The following RBFOX2 variants were observed in gnomAD, a reference collection of about 807,000 sequenced individuals.
RBFOX2 encodes the protein RNA binding protein fox-1 homolog 2.
A neutral mutation model predicts 49.1 loss-of-function variants in RBFOX2; 10 were observed. The observed-to-expected ratio is 0.20, with a 90% CI of 0.13 to 0.35. RBFOX2 has a LOEUF of 0.35. Ranked by LOEUF, RBFOX2 falls within the 10% of genes least tolerant of loss-of-function variation. The pLI is 1.00. For missense variants in RBFOX2, 323 were observed against 486.9 expected (o/e 0.66, Z 3.17); for synonymous variants, 183 against 187.4 (o/e 0.98, Z 0.19).
At chr22:35,909,712 A>G (rs558542834) in intron 1 of RBFOX2, among the ~76,000 whole-genome samples, 45 of 152,276 alleles carry the variant, frequency 3.0e-4, no homozygotes, top group African/African-American at 1.1e-3. Context: ...CCCGGATTCA[A>G]GCGATTCTCC....
rs545314605 is a variant in RBFOX2, at chr22:35,872,075, C to T, written c.-33-62071G>A. 4.9e-4 allele frequency among the ~76,000 whole-genome samples: 74 copies of T among 152,266 alleles called. 1 individual carries two copies. The highest frequency in any genetic ancestry group is 3.5e-3 in the South Asian group (17 of 4,818). Reference sequence around the variant, plus strand: ...TCTACCAAATCCTGACAAGTAAGTGCCCAGCACTGTACCAAGTGCTGCCTT... The same window carrying T: ...TCTACCAAATCCTGACAAGTAAGTGTCCAGCACTGTACCAAGTGCTGCCTT... On this transcript the variant is annotated intron_variant, in intron 1 of 13. Coordinates refer to the RBFOX2 transcript ENST00000359369.
At chr22:35,883,190 C>T (rs9610362) in intron 1 of RBFOX2, among the ~76,000 whole-genome samples, 10,646 of 152,272 alleles carry the variant, frequency 0.07, 554 homozygotes, top group Non-Finnish European at 0.1. Flanking sequence ...ACTTTCTCAG[C>T]CTGCTTCCTG....
At chr22:35,843,449 G>GTTTCCTCAA, upstream of RBFOX2, among the ~76,000 whole-genome samples, 1 of 30,424 alleles carries the variant, frequency 3.3e-5, no homozygotes, top group Non-Finnish European at 6.4e-5. Flanking sequence ...AACTCTTTGA[G>GTTTCCTCAA]TGTTTCATCC....
chr22:35,744,038 A>T, exon 12 of RBFOX2: 1 of 495,128 alleles, frequency 2.0e-6, no homozygotes, highest in Admixed American at 4.3e-5. Context: ...TATTCAAAGA[A>T]CATAGTGAGG....
At chr22:35,963,747 TTGTTGTTGTTGTTTTTGC>T (rs2056397737), upstream of RBFOX2, among the ~76,000 whole-genome samples, 1 of 152,160 alleles carries the variant, frequency 6.6e-6, no homozygotes, top group Admixed American at 6.5e-5. Flanking sequence ...CTTTTTGTTG[TTGTTGTTGTTGTTTTTGC>T]AATGGAGTCT....
chr22:35,760,565 A>G (rs1034928179), intron 8 of RBFOX2, among the ~76,000 whole-genome samples: 5 of 152,204 alleles, frequency 3.3e-5, no homozygotes, highest in African/African-American at 1.2e-4. Flanking sequence ...TCATTCTTTT[A>G]TTTAAAACAT....
At chr22:35,845,602 T>G (rs2041084686) in intron 1 of RBFOX2, among the ~76,000 whole-genome samples, 1 of 152,176 alleles carries the variant, frequency 6.6e-6, no homozygotes, top group African/African-American at 2.4e-5. Context: ...GGTAACTTAT[T>G]CATATCTTTA....
intron 1 of RBFOX2, among the ~76,000 whole-genome samples, chr22:35,982,868 G>A (rs1398413027): frequency 1.3e-5 from 2 of 151,090 alleles, no homozygotes; most frequent in Non-Finnish European, 1.5e-5. Context: ...AAGAGAGTGT[G>A]GCCTACAAAA....
chr22:36,005,329 T>C (rs937493987), intron 1 of RBFOX2, among the ~76,000 whole-genome samples: 1 of 152,068 alleles, frequency 6.6e-6, no homozygotes, highest in South Asian at 2.1e-4. Flanking sequence ...AAGCATAAAA[T>C]ATAAACTCCA....
intron 1 of RBFOX2, among the ~76,000 whole-genome samples, chr22:35,854,981 G>A (rs941246312): frequency 1.3e-5 from 2 of 152,068 alleles, no homozygotes; most frequent in Admixed American, 1.3e-4. Context: ...TCAGAATAAT[G>A]TAGCCTCAGT....
intron 6 of RBFOX2, among the ~76,000 whole-genome samples, chr22:35,765,092 A>G (rs1464509035): frequency 6.6e-6 from 1 of 151,448 alleles, no homozygotes; most frequent in Non-Finnish European, 1.5e-5. Flanking sequence ...GGTATTACGG[A>G]CAAGTCTAAC....
intron 1 of RBFOX2, chr22:35,898,421 T>TC (rs2048141718): frequency 4.8e-6 from 1 of 206,298 alleles, no homozygotes; most frequent in Non-Finnish European, 9.3e-6. Flanking sequence ...CCACAATCCT[T>TC]TTTTTTTTTT....
chr22:35,895,758 T>C (rs1013024626), intron 1 of RBFOX2, among the ~76,000 whole-genome samples: 8 of 152,096 alleles, frequency 5.3e-5, no homozygotes, highest in Non-Finnish European at 1.2e-4. Context: ...CTGGGGAAAG[T>C]TTCCAACCTG....
At chr22:36,000,007 T>TATATATA (rs1299405689) in intron 1 of RBFOX2, 10 of 67,792 alleles carry the variant, frequency 1.5e-4, no homozygotes, top group East Asian at 2.3e-3. Context: ...ATATATATAT[T>TATATATA]TTTTTTTTTT....
chr22:35,844,196 C>T (rs2040872329), upstream of RBFOX2, among the ~76,000 whole-genome samples: 1 of 152,150 alleles, frequency 6.6e-6, no homozygotes, highest in South Asian at 2.1e-4. Flanking sequence ...AGCACCTAAT[C>T]CATGGTACAT....
intron 1 of RBFOX2, among the ~76,000 whole-genome samples, chr22:35,975,013 G>A (rs1489573472): frequency 6.6e-6 from 1 of 152,198 alleles, no homozygotes; most frequent in Non-Finnish European, 1.5e-5. Context: ...ACTGTGAGGA[G>A]CAACCTTTTC....
rs377599683 is a variant in RBFOX2, at chr22:35,769,762, G to A, written c.454-1413C>T. On this transcript the variant is annotated intron_variant, in intron 4 of 11. Transcript: ENST00000405409. Reference sequence around the variant, plus strand: ...TATAAAACATGTTCTTAACTGACACGGTAAACAATGCGCGTTGCTTAATAA... The same window carrying A: ...TATAAAACATGTTCTTAACTGACACAGTAAACAATGCGCGTTGCTTAATAA... Among the ~76,000 whole-genome samples, 23 of 152,098 alleles carry A rather than the reference G, an allele frequency of 1.5e-4. No homozygotes were observed. In the East Asian group the frequency reaches 3.3e-3, roughly 22 times the overall value.
chr22:35,880,903 T>C (rs2045793899), intron 1 of RBFOX2, among the ~76,000 whole-genome samples: 1 of 152,162 alleles, frequency 6.6e-6, no homozygotes, highest in South Asian at 2.1e-4. Context: ...ATAAAAGGGA[T>C]TAAAAGATAT....
At chr22:35,980,429 A>G (rs749648708) in intron 1 of RBFOX2, among the ~76,000 whole-genome samples, 1 of 152,224 alleles carries the variant, frequency 6.6e-6, no homozygotes, top group Non-Finnish European at 1.5e-5. Context: ...GATAATTGCC[A>G]AAAGTTCTAC....
Sources: allele counts gnomAD v4.1 joint callset (sites outside exome capture counted in the v4.1 genomes callset), GRCh38; gene constraint gnomAD v4.1.1; transcripts MANE v1.5; gene names NCBI Gene and HGNC (gene_info 2026-07-23, HGNC 2026-07-21).